OGFOD1: variants seen among roughly 807,000 people sequenced by gnomAD.
OGFOD1 encodes 2-oxoglutarate and iron dependent oxygenase domain containing 1.
A neutral mutation model predicts 67.7 loss-of-function variants in OGFOD1; 54 were observed. That is an observed-to-expected ratio of 0.80 (90% CI 0.64 to 1.00). The LOEUF (loss-of-function observed/expected upper bound fraction) is 1.00, where lower values mean the gene tolerates loss of function less well. OGFOD1 is among the 50% of genes least tolerant of loss of function. The pLI, the probability that OGFOD1 is intolerant of heterozygous loss-of-function variation, is 0.00. For missense variants in OGFOD1, 606 were observed against 646.7 expected (o/e 0.94, Z 0.68); for synonymous variants, 221 against 227.0 (o/e 0.97, Z 0.24).
chr16:56,470,592 C>T lies in OGFOD1; in HGVS notation c.1086C>T (p.Gly362=). The T allele has an allele frequency of 6.2e-7, 1 of 1,614,148 alleles. No homozygotes were observed. Among genetic ancestry groups the T allele is most frequent in the Non-Finnish European group, 8.5e-7 (1 of 1,180,026 alleles). ...TCTTGCTGCTCTCCAACTTCACAGG[C>T]CTGAAGCTTCATTTCTTGGCCCCTT... is the stretch of plus-strand genomic sequence containing the variant. ...ALFLLLSNFT[G]LKLHFLAPSE... The change falls in exon 10 of 13, where the codon GGC becomes GGT. Residue 362 remains glycine, a synonymous_variant. Transcript: ENST00000566157.
intron 3 of OGFOD1, 144 bp from the exon 4 acceptor site, chr16:56,462,389 CA>C: frequency 1.7e-6 from 1 of 589,270 alleles, no homozygotes. Context: ...AAACATTTCT[CA>C]GAATGTCTCA....
At chr16:56,457,974 G>A (rs1962583007) in intron 2 of OGFOD1, among the ~76,000 whole-genome samples, 1 of 152,058 alleles carries the variant, frequency 6.6e-6, no homozygotes, top group Non-Finnish European at 1.5e-5. Context: ...CACCGTGCCC[G>A]GCCCCACTAT....
intron 10 of OGFOD1, among the ~76,000 whole-genome samples, chr16:56,473,055 C>T (rs1476782995): frequency 2.6e-5 from 4 of 152,104 alleles, no homozygotes; most frequent in South Asian, 2.1e-4. Context: ...CTCAGCCTCC[C>T]GAGTAGCTGG....
intron 8 of OGFOD1, among the ~76,000 whole-genome samples, chr16:56,469,293 C>T (rs1191947398): frequency 6.6e-6 from 1 of 152,176 alleles, no homozygotes; most frequent in African/African-American, 2.4e-5. Context: ...AATTGTTATA[C>T]AGAGATTGTC....
At chr16:56,464,221 A>G (rs1962820277) in intron 4 of OGFOD1, among the ~76,000 whole-genome samples, 1 of 152,176 alleles carries the variant, frequency 6.6e-6, no homozygotes, top group Admixed American at 6.5e-5. Flanking sequence ...GATTACAGAA[A>G]TTAATCCTGT....
At chr16:56,454,470 T>C (rs1208115652) in intron 2 of OGFOD1, among the ~76,000 whole-genome samples, 1 of 151,952 alleles carries the variant, frequency 6.6e-6, no homozygotes, top group African/African-American at 2.4e-5. Flanking sequence ...GTGGACAGTT[T>C]AATTGGGCAG....
intron 4 of OGFOD1, among the ~76,000 whole-genome samples, chr16:56,463,384 G>GTTTTTTTTTTTTTTTTTTTTTTTT (rs56388148): frequency 6.9e-5 from 3 of 43,784 alleles, no homozygotes; most frequent in African/African-American, 1.0e-4. Flanking sequence ...TCTTTTTTGG[G>GTTTTTTTTTTTTTTTTTTTTTTTT]TTTTTTTTTT....
intron 10 of OGFOD1, among the ~76,000 whole-genome samples, chr16:56,474,440 G>A (rs1297020585): frequency 6.7e-6 from 1 of 150,276 alleles, no homozygotes; most frequent in Non-Finnish European, 1.5e-5. Context: ...CCTGCCTTAA[G>A]CCTCCCGGGT....
chr16:56,474,861 G>C lies in OGFOD1; in HGVS notation c.1319G>C (p.Arg440Thr), dbSNP rs776668646. 1 of 1,613,290 alleles carries C rather than the reference G, an allele frequency of 6.2e-7. No homozygotes were observed. Among genetic ancestry groups the C allele is most frequent in the Non-Finnish European group, 8.5e-7 (1 of 1,179,546 alleles). The stretch of plus-strand genomic sequence containing the variant: ...GTTCCCATGTGCCAAGGGGAACTGA[G>C]GCATTGGAAGACCGGTCACTACACT... Reference protein sequence around the residue: ...SSVPMCQGELRHWKTGHYTLI... With the variant: ...SSVPMCQGELTHWKTGHYTLI... The change falls in exon 11 of 13, where the codon AGG (arginine) becomes ACG (threonine). Residue 440 changes from arginine to threonine, a missense_variant. Transcript: ENST00000566157.
chr16:56,470,881 A>C, intron 10 of OGFOD1, 90 bp downstream of exon 10: 1 of 1,300,400 alleles, frequency 7.7e-7, no homozygotes, highest in Non-Finnish European at 1.0e-6. Flanking sequence ...TTGAGCATCT[A>C]CTGTGCCCTA....
At chr16:56,457,826 T>C (rs779158127) in intron 2 of OGFOD1, among the ~76,000 whole-genome samples, 5 of 152,118 alleles carry the variant, frequency 3.3e-5, no homozygotes, top group Non-Finnish European at 7.4e-5. Flanking sequence ...ATTGCAGGCA[T>C]GCACCACCAC....
intron 4 of OGFOD1, among the ~76,000 whole-genome samples, chr16:56,464,053 G>A (rs958372834): frequency 1.3e-5 from 2 of 152,114 alleles, no homozygotes; most frequent in African/African-American, 4.8e-5. Flanking sequence ...TGTCTCTTCA[G>A]CCTCCCTCAA....
chr16:56,474,238 T>C (rs1236879639), intron 10 of OGFOD1, among the ~76,000 whole-genome samples: 1 of 152,138 alleles, frequency 6.6e-6, no homozygotes, highest in Non-Finnish European at 1.5e-5. Context: ...ATAATATTCA[T>C]GTCGTATTTT....
intron 3 of OGFOD1, 55 bp downstream of exon 3, chr16:56,458,649 G>C: frequency 7.1e-7 from 1 of 1,402,694 alleles, no homozygotes; most frequent in Non-Finnish European, 1.0e-6. Flanking sequence ...AGAGTAGTAA[G>C]TGCTTTAAAT....
intron 5 of OGFOD1, 148 bp from the exon 6 acceptor site, chr16:56,466,728 T>G: frequency 1.5e-6 from 1 of 678,728 alleles, no homozygotes; most frequent in Non-Finnish European, 2.6e-6. Flanking sequence ...AACTCGCAAG[T>G]ATGAGTGAAG....
Position 56,475,525 on chromosome 16 carries a change from G to A in OGFOD1, c.1427G>A (p.Gly476Asp), listed in dbSNP as rs781520559. 1 of 1,614,046 alleles carries A rather than the reference G, an allele frequency of 6.2e-7. No homozygotes were observed. Among genetic ancestry groups the A allele is most frequent in the Admixed American group, 1.7e-5 (1 of 60,020 alleles). Residue 476 changes from glycine to aspartate, a missense_variant, in exon 12 of 13, where the codon GGC becomes GAC. Physicochemically the swap from Gly to Asp is moderately conservative, Grantham distance 94. Coordinates refer to ENST00000566157, the MANE Select transcript of OGFOD1 (RefSeq NM_018233.4). ...CGCEGWEPEY[G>D]GFTSYIAKGE... is the part of the protein sequence containing the mutation. ...TTGTAAGGCTGGGAGCCAGAATATG[G>A]CGGTTTTACTTCTTACATTGCCAAA...
In OGFOD1 at chr16:56,462,463, C is replaced by T; in HGVS notation, c.348-71C>T. ...ATCTCCAGGAAAGAAAAGTTGTGGC[C>T]TAGATCCAAACAGTTGTGACCTAGA... On this transcript the variant is annotated intron_variant, in intron 3 of 12. Coordinates refer to ENST00000566157, the MANE Select transcript of OGFOD1 (RefSeq NM_018233.4). The T allele has an allele frequency of 5.6e-6, 5 of 894,444 alleles. No homozygotes were observed. In the Middle Eastern group the frequency reaches 6.6e-4, roughly 118 times the overall value. The allele number at this position is 894,444 out of a possible 1,614,324, so 55.4% of individuals were successfully genotyped here. A position where few individuals can be genotyped will look rare whatever the true frequency, so the allele number is the denominator to read the frequency against.
chr16:56,459,305 C>T (rs917568140), intron 3 of OGFOD1, among the ~76,000 whole-genome samples: 4 of 150,762 alleles, frequency 2.7e-5, no homozygotes, highest in Admixed American at 6.6e-5. Context: ...GAGCCCGTTG[C>T]ACTCCAGCCT....
chr16:56,471,708 A>C (rs1288415692), intron 10 of OGFOD1, among the ~76,000 whole-genome samples: 1 of 152,244 alleles, frequency 6.6e-6, no homozygotes, highest in Non-Finnish European at 1.5e-5. Flanking sequence ...AACTGAAAGC[A>C]ACATAACTCA....
Sources: allele counts gnomAD v4.1 joint callset (sites outside exome capture counted in the v4.1 genomes callset), GRCh38; gene constraint gnomAD v4.1.1; transcripts MANE v1.5; gene names NCBI Gene and HGNC (gene_info 2026-07-23, HGNC 2026-07-21).